GMDS: variants seen among roughly 807,000 people sequenced by gnomAD.
The protein encoded by GMDS is GDP-mannose 4,6-dehydratase.
A neutral mutation model predicts 49.9 loss-of-function variants in GMDS; 20 were observed. The observed-to-expected ratio is 0.40, with a 90% CI of 0.28 to 0.58. GMDS has a LOEUF of 0.58. Among genes scored for constraint, GMDS ranks in the 20% least tolerant of loss-of-function variants. The pLI, the probability that GMDS is intolerant of heterozygous loss-of-function variation, is 0.42. For missense variants in GMDS, 362 were observed against 481.4 expected, an observed-to-expected ratio of 0.75 and a Z score of 2.32; for synonymous variants, 177 against 178.6, an observed-to-expected ratio of 0.99 and a Z score of 0.07.
chr6:2,073,422 A>G (rs958795899), intron 4 of GMDS, among the ~76,000 whole-genome samples: 1 of 152,220 alleles, frequency 6.6e-6, no homozygotes, highest in African/African-American at 2.4e-5. Context: ...ATTTTGCTAC[A>G]TGTATAGAAT....
intron 1 of GMDS, among the ~76,000 whole-genome samples, chr6:2,125,219 C>T (rs1024299524): frequency 6.6e-6 from 1 of 152,204 alleles, no homozygotes; most frequent in Non-Finnish European, 1.5e-5. Flanking sequence ...AGGAGGATTA[C>T]TTGCATCCAA....
At chr6:1,644,139 G>C (rs1763416300) in intron 9 of GMDS, among the ~76,000 whole-genome samples, 1 of 152,222 alleles carries the variant, frequency 6.6e-6, no homozygotes, top group African/African-American at 2.4e-5. Context: ...TCAGCCTGCA[G>C]ATACTAGTAG....
intron 6 of GMDS, chr6:1,959,666 T>G (rs1581423181): frequency 2.6e-6 from 1 of 377,608 alleles, no homozygotes; most frequent in East Asian, 4.0e-5. Flanking sequence ...ATGTTAAAAT[T>G]TAAAATCCCA....
chr6:2,072,439 T>C (rs1772072412), intron 4 of GMDS, among the ~76,000 whole-genome samples: 1 of 152,222 alleles, frequency 6.6e-6, no homozygotes, highest in Non-Finnish European at 1.5e-5. Flanking sequence ...ACATGGATTA[T>C]TGCTCCAAAA....
intron 1 of GMDS, among the ~76,000 whole-genome samples, chr6:2,159,987 T>C (rs1777312172): frequency 6.6e-6 from 1 of 152,200 alleles, no homozygotes; most frequent in African/African-American, 2.4e-5. Flanking sequence ...TATAGCACCA[T>C]GCACAGGAGC....
At chr6:2,185,642 C>T (rs1049923975) in intron 1 of GMDS, among the ~76,000 whole-genome samples, 1 of 152,192 alleles carries the variant, frequency 6.6e-6, no homozygotes, top group African/African-American at 2.4e-5. Flanking sequence ...AGTTCCTTCA[C>T]CCACATGTCT....
chr6:2,002,110 G>A (rs1322577490), intron 4 of GMDS, among the ~76,000 whole-genome samples: 8 of 152,154 alleles, frequency 5.3e-5, no homozygotes, highest in Admixed American at 5.2e-4. Context: ...TTTTAAAATG[G>A]TCTTGAAGGG....
chr6:1,702,317 A>G (rs1581479148), intron 9 of GMDS, among the ~76,000 whole-genome samples: 5 of 152,226 alleles, frequency 3.3e-5, no homozygotes, highest in Admixed American at 2.6e-4. Context: ...GGAAAGCAGC[A>G]CACACTTCAG....
intron 1 of GMDS, among the ~76,000 whole-genome samples, chr6:2,200,679 C>G (rs1242968093): frequency 6.8e-6 from 1 of 147,886 alleles, no homozygotes; most frequent in Non-Finnish European, 1.5e-5. Flanking sequence ...ACCATCTAGG[C>G]AGTGAGGGCA....
chr6:2,069,626 T>C (rs1352173927), intron 4 of GMDS, among the ~76,000 whole-genome samples: 6 of 152,272 alleles, frequency 3.9e-5, no homozygotes, highest in Middle Eastern at 6.8e-3. Flanking sequence ...CAGACACTTC[T>C]CAAAAGAAGA....
At chr6:2,118,743 G>T (rs1889038) in intron 2 of GMDS, among the ~76,000 whole-genome samples, 2,446 of 152,252 alleles carry the variant, frequency 0.016, 62 homozygotes, top group African/African-American at 0.057. Context: ...TGGTAAACAC[G>T]AAAATATTTT....
At chr6:1,880,691 G>A (rs1040216626) in intron 7 of GMDS, among the ~76,000 whole-genome samples, 4 of 152,082 alleles carry the variant, frequency 2.6e-5, no homozygotes, top group Admixed American at 6.6e-5. Context: ...GAAAGCAGAC[G>A]AGCAATATAG....
At chr6:1,711,624 A>C (rs7742462) in intron 9 of GMDS, among the ~76,000 whole-genome samples, 40,411 of 151,932 alleles carry the variant, frequency 0.27, 6,177 homozygotes, top group African/African-American at 0.42. Context: ...TGGAGATACT[A>C]CTCTGCAATT....
chr6:1,977,365 C>A (rs767700662), intron 4 of GMDS, among the ~76,000 whole-genome samples: 1 of 152,182 alleles, frequency 6.6e-6, no homozygotes, highest in Non-Finnish European at 1.5e-5. Context: ...CCTGACTCTT[C>A]TATGGAATTC....
chr6:1,965,604 G>T (rs933871469), intron 4 of GMDS, among the ~76,000 whole-genome samples: 1 of 152,156 alleles, frequency 6.6e-6, no homozygotes, highest in African/African-American at 2.4e-5. Flanking sequence ...CAGAGGATCA[G>T]TTGAGCCCCA....
At chr6:1,691,631 C>T (rs552324497) in intron 9 of GMDS, among the ~76,000 whole-genome samples, 17 of 152,174 alleles carry the variant, frequency 1.1e-4, no homozygotes, top group Non-Finnish European at 2.4e-4. Flanking sequence ...GTCTACAAGG[C>T]ACATTAGAAA....
chr6:1,793,205 A>C (rs770887102), intron 7 of GMDS, among the ~76,000 whole-genome samples: 1 of 152,054 alleles, frequency 6.6e-6, no homozygotes, highest in African/African-American at 2.4e-5. Context: ...ACATTCCCCA[A>C]TGTCCTGTGT....
chr6:2,050,568 A>G (rs1224465595), intron 4 of GMDS, among the ~76,000 whole-genome samples: 2 of 152,220 alleles, frequency 1.3e-5, no homozygotes, highest in East Asian at 3.9e-4. Flanking sequence ...TAGCAGAGAC[A>G]CAACGAAAAA....
At chr6:2,054,047 G>A (rs898119218) in intron 4 of GMDS, among the ~76,000 whole-genome samples, 4 of 152,070 alleles carry the variant, frequency 2.6e-5, no homozygotes, top group African/African-American at 7.2e-5. Context: ...TTATATTCAT[G>A]AAAGACACTA....
Sources: gnomAD v4.1 joint callset for allele counts (sites outside exome capture counted in the v4.1 genomes callset) on GRCh38, gnomAD v4.1.1 for gene constraint, MANE v1.5 for transcripts, NCBI Gene and HGNC (gene_info 2026-07-23, HGNC 2026-07-21) for gene names.